The following UNC13C variants were observed in gnomAD, a reference collection of about 807,000 sequenced individuals.
UNC13C encodes the protein protein unc-13 homolog C.
In UNC13C, 174 loss-of-function variants were observed where a neutral mutation model predicts 245.4. The ratio of observed to expected loss-of-function variants is 0.71; its 90% CI spans 0.63 to 0.80. UNC13C has a LOEUF of 0.80. Ranked by LOEUF, UNC13C falls within the 30% of genes least tolerant of loss-of-function variation. UNC13C has a pLI of 0.00. For synonymous variants in UNC13C, 992 were observed against 895.1 expected (o/e 1.11, Z -1.93); for missense variants, 2,829 against 2,602.9 (o/e 1.09, Z -1.89).
chr15:54,455,866 T>A (rs767944015), intron 19 of UNC13C, among the ~76,000 whole-genome samples: 2 of 152,174 alleles, frequency 1.3e-5, no homozygotes, highest in Non-Finnish European at 2.9e-5. Flanking sequence ...AGAAGCTTTT[T>A]AATTTAATTA....
chr15:53,847,511 C>T, the UNC13C span, among the ~76,000 whole-genome samples: 5 of 148,136 alleles, frequency 3.4e-5, no homozygotes, highest in African/African-American at 1.2e-4. Context: ...TGTCCACCAC[C>T]ATGCCTGGCT....
At chr15:54,300,090 A>G (rs2037536051) in intron 12 of UNC13C, 120 bp from the exon 13 acceptor site, 1 of 831,984 alleles carries the variant, frequency 1.2e-6, no homozygotes, top group African/African-American at 1.7e-5. Context: ...TATTGCTTGC[A>G]GATGCTGATG....
intron 18 of UNC13C, among the ~76,000 whole-genome samples, chr15:54,399,466 T>C (rs572911978): frequency 1.7e-4 from 26 of 151,874 alleles, no homozygotes; most frequent in African/African-American, 3.1e-4. Context: ...GTTTTTGTTA[T>C]GCAGACCAAA....
chr15:53,862,490 G>T, the UNC13C span, among the ~76,000 whole-genome samples: 4 of 152,006 alleles, frequency 2.6e-5, no homozygotes, highest in African/African-American at 7.2e-5. Context: ...AGTGTGTTCT[G>T]GTACAAAGTG....
intron 22 of UNC13C, among the ~76,000 whole-genome samples, chr15:54,502,233 C>T (rs1225653913): frequency 6.6e-6 from 1 of 151,990 alleles, no homozygotes; most frequent in Non-Finnish European, 1.5e-5. Context: ...AATCTGTGAC[C>T]TCAGAAAACT....
chr15:54,415,048 T>C lies in UNC13C; in HGVS notation c.4914T>C (p.Asp1638=). ...TTATGTGGACTCTTTTTGCTCTGGA[T>C]ATGAAATATGCATTAGAAGGTAATT... ...AEIMWTLFAL[D]MKYALEEHEN... is the part of the protein sequence containing the mutation. Residue 1638 remains aspartate, a synonymous_variant, in exon 19 of 33, where the codon GAT becomes GAC. Transcript: ENST00000260323. 6.2e-7 allele frequency: 1 copy of C among 1,610,334 alleles called. No homozygotes were observed. The highest frequency in any genetic ancestry group is 8.5e-7 in the Non-Finnish European group (1 of 1,177,614).
chr15:53,915,813 A>T, the UNC13C span, among the ~76,000 whole-genome samples: 2 of 152,236 alleles, frequency 1.3e-5, no homozygotes, highest in African/African-American at 4.8e-5. Flanking sequence ...GGAGAGATGG[A>T]TTGATGACTA....
chr15:54,063,598 C>G (rs1040718015), intron 2 of UNC13C, among the ~76,000 whole-genome samples: 2 of 152,006 alleles, frequency 1.3e-5, no homozygotes, highest in Non-Finnish European at 2.9e-5. Flanking sequence ...TGGAAGCAAA[C>G]TGGTATTTTT....
At chr15:54,539,076 C>G (rs1896125755) in intron 26 of UNC13C, among the ~76,000 whole-genome samples, 2 of 151,946 alleles carry the variant, frequency 1.3e-5, no homozygotes, top group South Asian at 4.1e-4. Flanking sequence ...TTCTTTCCAT[C>G]TAAATTTTCC....
intron 2 of UNC13C, among the ~76,000 whole-genome samples, chr15:54,033,901 G>C (rs1034895681): frequency 2.0e-5 from 3 of 152,178 alleles, no homozygotes; most frequent in African/African-American, 7.2e-5. Context: ...AAAGCAATGA[G>C]CTCTCTAATA....
intron 17 of UNC13C, among the ~76,000 whole-genome samples, chr15:54,348,751 C>T (rs1427146533): frequency 6.6e-6 from 1 of 152,004 alleles, no homozygotes; most frequent in Non-Finnish European, 1.5e-5. Flanking sequence ...TTTGCTCTAG[C>T]CAATTTCTAA....
chr15:54,549,464 G>A (rs950933357), intron 27 of UNC13C, among the ~76,000 whole-genome samples, 171 bp from the exon 28 acceptor site: 3 of 152,022 alleles, frequency 2.0e-5, no homozygotes, highest in African/African-American at 4.8e-5. Flanking sequence ...TACTGCCAGC[G>A]GTACTAGATA....
chr15:54,329,939 A>G (rs2038395751), intron 14 of UNC13C, among the ~76,000 whole-genome samples: 1 of 152,076 alleles, frequency 6.6e-6, no homozygotes, highest in African/African-American at 2.4e-5. Flanking sequence ...TCCCCAACTC[A>G]TGGAACCTAA....
chr15:54,461,591 T>G (rs961427814), intron 19 of UNC13C, among the ~76,000 whole-genome samples: 2 of 152,220 alleles, frequency 1.3e-5, no homozygotes, highest in Non-Finnish European at 2.9e-5. Context: ...CATGTATTTA[T>G]GATTATGGGA....
intron 4 of UNC13C, among the ~76,000 whole-genome samples, chr15:54,207,269 A>G (rs1274345601): frequency 6.6e-6 from 1 of 152,036 alleles, no homozygotes; most frequent in Non-Finnish European, 1.5e-5. Flanking sequence ...TCATAAATAG[A>G]TTAATGCTCT....
chr15:53,908,963 T>G, the UNC13C span, among the ~76,000 whole-genome samples: 8,797 of 146,338 alleles, frequency 0.06, 1,213 homozygotes, highest in African/African-American at 0.2. Context: ...GTTCAACATA[T>G]CTATAAACAC....
At chr15:54,244,276 G>A (rs2035934014) in intron 7 of UNC13C, among the ~76,000 whole-genome samples, 1 of 151,874 alleles carries the variant, frequency 6.6e-6, no homozygotes. Context: ...TTTGTCAGAT[G>A]GTTGAAGGTG....
chr15:54,148,230 T>A lies in UNC13C; in HGVS notation c.3071+4546T>A, dbSNP rs1183282060. 2.6e-5 allele frequency among the ~76,000 whole-genome samples: 4 copies of A among 152,190 alleles called. No individual in the cohort carries two copies. The East Asian group carries it at 7.7e-4, about 29-fold the overall frequency. ...TCAAACAGGTACATTTACCAAAAAA[T>A]ATTAATAAGAAACGTATGCTGAGAT... On this transcript the variant is annotated intron_variant, in intron 4 of 32. Transcript: ENST00000260323.
At chr15:53,945,172 T>G in the UNC13C span, among the ~76,000 whole-genome samples, 2 of 152,198 alleles carry the variant, frequency 1.3e-5, no homozygotes, top group African/African-American at 4.8e-5. Context: ...ATGCATAGTT[T>G]GCAAATATTT....
Sources: allele counts gnomAD v4.1 joint callset (sites outside exome capture counted in the v4.1 genomes callset), GRCh38; gene constraint gnomAD v4.1.1; transcripts MANE v1.5; gene names NCBI Gene and HGNC (gene_info 2026-07-23, HGNC 2026-07-21).